EML1: variants seen among roughly 807,000 people sequenced by gnomAD.
The protein encoded by EML1 is EMAP like 1.
EML1 carries 27 observed loss-of-function variants against 110.4 expected under a neutral mutation model. The observed-to-expected ratio is 0.24, with a 90% confidence interval of 0.18 to 0.34. EML1 has a LOEUF of 0.34. Ranked by LOEUF, EML1 falls within the 10% of genes least tolerant of loss-of-function variation. The probability of loss-of-function intolerance (pLI) is 1.00; values close to 1 mark genes in which losing one functional copy is unlikely to be tolerated. For missense variants in EML1, 741 were observed against 1,030.9 expected (o/e 0.72, Z 3.85); for synonymous variants, 344 against 385.8 (o/e 0.89, Z 1.27).
chr14:99,914,889 A>G, intron 15 of EML1, 192 bp downstream of exon 15: 1 of 713,150 alleles, frequency 1.4e-6, no homozygotes, highest in East Asian at 3.2e-5. Context: ...GGCCTCAGCC[A>G]TGTAATTTTG....
chr14:99,792,275 C>A (rs1473588295), upstream of EML1, among the ~76,000 whole-genome samples: 2 of 152,182 alleles, frequency 1.3e-5, no homozygotes, highest in African/African-American at 2.4e-5. Flanking sequence ...TCAACCTGCA[C>A]AAGTTAGTAC....
intron 1 of EML1, among the ~76,000 whole-genome samples, chr14:99,753,516 T>C (rs2057207392): frequency 1.3e-5 from 2 of 151,778 alleles, no homozygotes; most frequent in South Asian, 4.2e-4. Flanking sequence ...CTGGAACACC[T>C]TGTGGTCCCC....
At chr14:99,917,073 C>T (rs185941879) in intron 15 of EML1, among the ~76,000 whole-genome samples, 26 of 152,262 alleles carry the variant, frequency 1.7e-4, no homozygotes, top group Admixed American at 1.6e-3. Flanking sequence ...CACCCAGTCT[C>T]CGTGTCATGG....
intron 10 of EML1, 129 bp from the exon 11 acceptor site, chr14:99,909,216 G>A: frequency 7.3e-7 from 1 of 1,377,870 alleles, no homozygotes; most frequent in Non-Finnish European, 1.0e-6. Flanking sequence ...ATTCAATGGG[G>A]GAAATAATAG....
chr14:99,777,156 C>G (rs1374310309), intron 1 of EML1, among the ~76,000 whole-genome samples: 1 of 151,782 alleles, frequency 6.6e-6, no homozygotes, highest in Non-Finnish European at 1.5e-5. Flanking sequence ...AAACTGAGAA[C>G]AAATAAATAA....
At chr14:99,902,065 G>A (rs913424919) in intron 9 of EML1, among the ~76,000 whole-genome samples, 2 of 152,174 alleles carry the variant, frequency 1.3e-5, no homozygotes, top group South Asian at 2.1e-4. Context: ...TGTATTTGGG[G>A]TAGAGAAGAG....
intron 6 of EML1, among the ~76,000 whole-genome samples, chr14:99,896,565 A>G: frequency 6.6e-6 from 1 of 152,194 alleles, no homozygotes; most frequent in East Asian, 1.9e-4. Context: ...AAGCAATGAA[A>G]TTTGCTCTAA....
At chr14:99,915,624 T>G (rs2060022065) in intron 15 of EML1, among the ~76,000 whole-genome samples, 1 of 151,894 alleles carries the variant, frequency 6.6e-6, no homozygotes, top group Non-Finnish European at 1.5e-5. Context: ...TTTTATTGAA[T>G]AGGAAATTGA....
At chr14:99,875,908 C>T (rs1188107634) in intron 3 of EML1, among the ~76,000 whole-genome samples, 1 of 152,208 alleles carries the variant, frequency 6.6e-6, no homozygotes, top group East Asian at 1.9e-4. Flanking sequence ...TTAAGGCACA[C>T]CCTGCAGATT....
At chr14:99,760,472 A>G (rs988968721) in intron 1 of EML1, among the ~76,000 whole-genome samples, 1 of 152,172 alleles carries the variant, frequency 6.6e-6, no homozygotes, top group Admixed American at 6.5e-5. Flanking sequence ...GCATGGAACC[A>G]TTCTCTGATG....
At chr14:99,865,163 G>T (rs1034970242) in intron 2 of EML1, among the ~76,000 whole-genome samples, 2 of 152,182 alleles carry the variant, frequency 1.3e-5, no homozygotes, top group Admixed American at 1.3e-4. Context: ...TCCTGAGCTT[G>T]TTTTCCTGCA....
At chr14:99,788,654 T>C (rs1461243102), upstream of EML1, among the ~76,000 whole-genome samples, 1 of 152,160 alleles carries the variant, frequency 6.6e-6, no homozygotes, top group Non-Finnish European at 1.5e-5. Context: ...TGTGTGTATG[T>C]GTACACACAC....
At position 99,779,640 on chromosome 14, in the gene EML1, G is replaced by A. The variant is rs771471382; in HGVS notation, c.-27+5627G>A. On this transcript the variant is annotated intron_variant, in intron 1 of 22. Transcript: ENST00000327921. ...CCTCTAGGTCTTTCCACAAGACTTC[G>A]TCATATTCCCTAAAAAAGGTCCTTC... is the stretch of plus-strand genomic sequence containing the variant. Among the ~76,000 whole-genome samples the A allele has an allele frequency of 3.9e-5, 6 of 152,264 alleles. 1 individual carries two copies. Among genetic ancestry groups the A allele is most frequent in the South Asian group, 4.1e-4 (2 of 4,824 alleles).
rs915247902 is a variant in EML1, at chr14:99,940,946, A to C, written c.*834A>C. 4 of 152,218 alleles carry C rather than the reference A, an allele frequency of 2.6e-5. No individual in the cohort carries two copies. Among genetic ancestry groups the C allele is most frequent in the East Asian group, 1.9e-4 (1 of 5,198 alleles). The allele number at this position is 152,218 out of a possible 1,614,324, so 9.4% of individuals were successfully genotyped here. Reference sequence around the variant, plus strand: ...TATAGGATTCTAGCAATTCATAATAAATATGTAAGACTAGGCTTTACTGTC... The same window carrying C: ...TATAGGATTCTAGCAATTCATAATACATATGTAAGACTAGGCTTTACTGTC... On this transcript the variant is annotated 3_prime_UTR_variant, in exon 22 of 22. Coordinates refer to ENST00000262233, the MANE Select transcript of EML1 (RefSeq NM_004434.3).
At chr14:99,837,634 TA>T (rs2058560999) in intron 1 of EML1, among the ~76,000 whole-genome samples, 1 of 152,192 alleles carries the variant, frequency 6.6e-6, no homozygotes, top group Admixed American at 6.5e-5. Flanking sequence ...AGTTCTACCA[TA>T]AAAACCTAGG....
intron 1 of EML1, among the ~76,000 whole-genome samples, chr14:99,840,000 A>G (rs1006489599): frequency 5.3e-5 from 8 of 150,438 alleles, no homozygotes; most frequent in African/African-American, 1.9e-4. Flanking sequence ...TGGCAGAGCA[A>G]TGACAGTTAA....
chr14:99,805,567 C>T (rs1348112708), intron 1 of EML1, among the ~76,000 whole-genome samples: 1 of 152,122 alleles, frequency 6.6e-6, no homozygotes, highest in Admixed American at 6.5e-5. Context: ...CTCGACCTCC[C>T]CAGCCCAAGC....
Position 99,931,360 on chromosome 14 carries a change from G to C in EML1, c.1910-4669G>C, listed in dbSNP as rs542275219. 1.9e-3 allele frequency among the ~76,000 whole-genome samples: 291 copies of C among 150,962 alleles called. 1 individual carries two copies. The highest frequency in any genetic ancestry group is 6.6e-3 in the African/African-American group (271 of 41,192). On this transcript the variant is annotated intron_variant, in intron 17 of 21. Transcript: ENST00000262233. Reference sequence around the variant, plus strand: ...TGTGTTGCTGTACACAAATTACTAAGCCTCAGTTTCCTCATCTGCAGAGCA... The same window carrying C: ...TGTGTTGCTGTACACAAATTACTAACCCTCAGTTTCCTCATCTGCAGAGCA...
intron 1 of EML1, among the ~76,000 whole-genome samples, chr14:99,821,769 G>T (rs969154104): frequency 6.6e-6 from 1 of 152,228 alleles, no homozygotes; most frequent in Non-Finnish European, 1.5e-5. Flanking sequence ...AACACATGAT[G>T]AAATGGAATA....
Sources: allele counts gnomAD v4.1 joint callset (sites outside exome capture counted in the v4.1 genomes callset), GRCh38; gene constraint gnomAD v4.1.1; transcripts MANE v1.5; gene names NCBI Gene and HGNC (gene_info 2026-07-23, HGNC 2026-07-21).